The following KDM4C variants were observed in gnomAD, a reference collection of about 807,000 sequenced individuals.
KDM4C encodes lysine demethylase 4C, also known as lysine-specific demethylase 4C.
Under a neutral mutation model 129.3 loss-of-function variants are expected in KDM4C, and 81 were observed. The ratio of observed to expected loss-of-function variants is 0.63; its 90% confidence interval spans 0.52 to 0.75. KDM4C has a LOEUF of 0.75. KDM4C is among the 30% of genes least tolerant of loss of function. The pLI is 0.00. For synonymous variants in KDM4C, 573 were observed against 456.1 expected, an observed-to-expected ratio of 1.26 and a Z score of -3.26; for missense variants, 1,457 against 1,304.0, an observed-to-expected ratio of 1.12 and a Z score of -1.81.
At chr9:6,983,893 C>G (rs1310683161) in intron 9 of KDM4C, among the ~76,000 whole-genome samples, 3 of 151,860 alleles carry the variant, frequency 2.0e-5, no homozygotes, top group African/African-American at 7.3e-5. Context: ...AAAATGTTGT[C>G]ACAAAATTTT....
chr9:7,046,061 G>T (rs1040864347), intron 15 of KDM4C, among the ~76,000 whole-genome samples: 1 of 152,008 alleles, frequency 6.6e-6, no homozygotes, highest in African/African-American at 2.4e-5. Flanking sequence ...GGACAAGCTT[G>T]AAACAATTTA....
At position 6,867,067 on chromosome 9, in the gene KDM4C, G is replaced by A. The variant is rs185722945; in HGVS notation, c.630-12945G>A. ...AATCTTGCTCTGTCACCAGGCTGGA[G>A]TGCAGTGGTGTGATCTCAGCTCACT... On this transcript the variant is annotated intron_variant, in intron 5 of 21. Coordinates refer to ENST00000381309, the MANE Select transcript of KDM4C (RefSeq NM_015061.6). Among the ~76,000 whole-genome samples the A allele has an allele frequency of 2.9e-3, 432 of 148,758 alleles. 7 individuals are homozygous for A. Among genetic ancestry groups the A allele is most frequent in the African/African-American group, 0.01 (414 of 40,248 alleles).
intron 19 of KDM4C, among the ~76,000 whole-genome samples, chr9:7,163,898 T>G (rs757580548): frequency 2.0e-5 from 3 of 152,132 alleles, no homozygotes; most frequent in Non-Finnish European, 4.4e-5. Flanking sequence ...TTGCTTTAGC[T>G]CCAATGGAAG....
intron 5 of KDM4C, among the ~76,000 whole-genome samples, chr9:6,877,416 G>A (rs1309337265): frequency 1.3e-5 from 2 of 152,120 alleles, no homozygotes; most frequent in African/African-American, 2.4e-5. Context: ...TAGCCAGGGT[G>A]GTCTCGGTCT....
chr9:6,829,193 C>T (rs568511617), intron 4 of KDM4C, among the ~76,000 whole-genome samples: 1 of 152,108 alleles, frequency 6.6e-6, no homozygotes, highest in African/African-American at 2.4e-5. Flanking sequence ...ATACTACACA[C>T]AGTAGGAGTG....
At chr9:7,016,579 C>G (rs1037397755) in intron 15 of KDM4C, among the ~76,000 whole-genome samples, 2 of 151,924 alleles carry the variant, frequency 1.3e-5, no homozygotes, top group African/African-American at 2.4e-5. Context: ...GCGCCTGCCA[C>G]CATGCCTGGC....
intron 8 of KDM4C, among the ~76,000 whole-genome samples, chr9:6,924,446 G>A (rs1433307707): frequency 6.6e-6 from 1 of 152,204 alleles, no homozygotes; most frequent in African/African-American, 2.4e-5. Context: ...GCCCAGGGCT[G>A]CAGCGCTCTG....
At chr9:7,011,595 C>G in intron 12 of KDM4C, 103 bp from the exon 13 acceptor site, 1 of 1,084,264 alleles carries the variant, frequency 9.2e-7, no homozygotes, top group South Asian at 1.4e-5. Flanking sequence ...GGTTTCCGGC[C>G]TTAATATCAC....
At position 7,128,241 on chromosome 9, in the gene KDM4C, G is replaced by C; in HGVS notation, c.2781+5G>C. The C allele has an allele frequency of 6.4e-7, 1 of 1,564,828 alleles. No individual in the cohort carries two copies. The highest frequency in any genetic ancestry group is 8.7e-7 in the Non-Finnish European group (1 of 1,153,526). ...ACATTTCCTGAGGATATCGTGGTAA[G>C]TAGGCTTCCTTGAGTGCCTGCTACC... On this transcript the variant is annotated splice_donor_5th_base_variant and intron_variant, in intron 19 of 21. Coordinates refer to ENST00000381309, the MANE Select transcript of KDM4C (RefSeq NM_015061.6).
intron 1 of KDM4C, among the ~76,000 whole-genome samples, chr9:6,787,277 G>C (rs921454715): frequency 3.9e-5 from 6 of 152,200 alleles, no homozygotes; most frequent in Admixed American, 6.5e-5. Flanking sequence ...CTGTTGCCCA[G>C]GCTAGAGTGC....
intron 8 of KDM4C, among the ~76,000 whole-genome samples, chr9:6,963,726 C>T (rs907170554): frequency 2.6e-5 from 4 of 152,192 alleles, no homozygotes. Flanking sequence ...GTGTCTTCCG[C>T]ACATTCTTCC....
intron 17 of KDM4C, among the ~76,000 whole-genome samples, chr9:7,087,102 T>TTG (rs397686985): frequency 3.8e-4 from 57 of 151,518 alleles, no homozygotes; most frequent in African/African-American, 1.3e-3. Context: ...TTTTTTTTTT[T>TTG]CACTTTTGAC....
At chr9:6,963,763 A>C (rs1273310137) in intron 8 of KDM4C, among the ~76,000 whole-genome samples, 1 of 152,204 alleles carries the variant, frequency 6.6e-6, no homozygotes, top group Admixed American at 6.5e-5. Flanking sequence ...CCTGCCTCTC[A>C]GTCTTCTTAG....
chr9:7,030,969 A>C (rs557975397), intron 15 of KDM4C, among the ~76,000 whole-genome samples: 35 of 152,182 alleles, frequency 2.3e-4, no homozygotes, highest in African/African-American at 7.7e-4. Flanking sequence ...CATTTATTTT[A>C]CTCTGCAGAA....
intron 17 of KDM4C, among the ~76,000 whole-genome samples, chr9:7,070,206 A>T (rs748055605): frequency 1.3e-5 from 2 of 152,234 alleles, no homozygotes; most frequent in Non-Finnish European, 2.9e-5. Context: ...TGTTTTATTT[A>T]TTAATGGAGT....
intron 8 of KDM4C, among the ~76,000 whole-genome samples, chr9:6,934,492 T>A (rs1373373103): frequency 7.0e-6 from 1 of 142,572 alleles, no homozygotes; most frequent in African/African-American, 2.5e-5. Flanking sequence ...AAAAAAAAAA[T>A]TGGATAATTT....
intron 5 of KDM4C, among the ~76,000 whole-genome samples, chr9:6,868,128 G>T (rs549763123): frequency 6.6e-5 from 10 of 151,956 alleles, no homozygotes; most frequent in African/African-American, 2.4e-4. Flanking sequence ...CTCCCTGGAG[G>T]CACCTTGTAG....
chr9:6,986,833 G>T (rs1233493903), intron 11 of KDM4C, 167 bp downstream of exon 11: 1 of 551,316 alleles, frequency 1.8e-6, no homozygotes, highest in Non-Finnish European at 3.2e-6. Flanking sequence ...AGCCTCCTGT[G>T]AGCTGTGGCT....
chr9:6,977,293 C>G (rs1016834079), intron 8 of KDM4C, among the ~76,000 whole-genome samples: 1 of 152,108 alleles, frequency 6.6e-6, no homozygotes. Flanking sequence ...CTATGAAAGA[C>G]AGTAATTCTT....
Sources: allele counts gnomAD v4.1 joint callset (sites outside exome capture counted in the v4.1 genomes callset), GRCh38; gene constraint gnomAD v4.1.1; transcripts MANE v1.5; gene names NCBI Gene and HGNC (gene_info 2026-07-23, HGNC 2026-07-21).